VSTM2L: variants seen among roughly 807,000 people sequenced by gnomAD.
VSTM2L encodes V-set and transmembrane domain-containing protein 2-like protein.
VSTM2L carries 9 observed loss-of-function variants against 19.9 expected under a neutral mutation model. The ratio of observed to expected loss-of-function variants is 0.45; its 90% CI spans 0.27 to 0.79. VSTM2L has a LOEUF of 0.79. Among genes scored for constraint, VSTM2L ranks in the 30% least tolerant of loss-of-function variants. The pLI, the probability that VSTM2L is intolerant of heterozygous loss-of-function variation, is 0.15. For missense variants in VSTM2L, 286 were observed against 295.5 expected (o/e 0.97, Z 0.24); for synonymous variants, 127 against 133.8 (o/e 0.95, Z 0.35).
chr20:37,912,351 G>T (rs976158847), intron 1 of VSTM2L, among the ~76,000 whole-genome samples: 1 of 152,226 alleles, frequency 6.6e-6, no homozygotes, highest in Non-Finnish European at 1.5e-5. Context: ...CCCTGTTCTG[G>T]CTACAAGCAC....
At chr20:37,921,882 A>G (rs183310742) in intron 1 of VSTM2L, among the ~76,000 whole-genome samples, 1,295 of 117,348 alleles carry the variant, frequency 0.011, 16 homozygotes, top group African/African-American at 0.04. Flanking sequence ...TTGCTCTGTC[A>G]CCCAGGCTGG....
chr20:37,906,076 G>C (rs1196682638), intron 1 of VSTM2L, among the ~76,000 whole-genome samples: 1 of 151,344 alleles, frequency 6.6e-6, no homozygotes. Context: ...TGGAAGCAGG[G>C]GCTCCTGGGG....
intron 3 of VSTM2L, among the ~76,000 whole-genome samples, chr20:37,933,943 A>G (rs996843121): frequency 2.6e-5 from 4 of 151,878 alleles, no homozygotes; most frequent in Non-Finnish European, 4.4e-5. Context: ...TGACTGACTG[A>G]GTGTTACGCC....
chr20:37,917,680 C>G (rs2072827330), intron 1 of VSTM2L, among the ~76,000 whole-genome samples: 1 of 152,236 alleles, frequency 6.6e-6, no homozygotes, highest in Admixed American at 6.5e-5. Context: ...CCCCCTCGCC[C>G]TAGTGCCCGA....
chr20:37,935,122 G>A (rs902619607), intron 3 of VSTM2L, among the ~76,000 whole-genome samples: 2 of 152,176 alleles, frequency 1.3e-5, no homozygotes, highest in African/African-American at 4.8e-5. Context: ...TTGATTTAGA[G>A]GATTAGAATT....
intron 1 of VSTM2L, among the ~76,000 whole-genome samples, chr20:37,907,516 G>A (rs538052008): frequency 1.3e-5 from 2 of 152,284 alleles, no homozygotes; most frequent in African/African-American, 4.8e-5. Flanking sequence ...GACAGGAAAT[G>A]TCTGACGCTA....
chr20:37,920,969 C>T (rs1363253130), intron 1 of VSTM2L, among the ~76,000 whole-genome samples: 4 of 152,188 alleles, frequency 2.6e-5, no homozygotes, highest in Non-Finnish European at 5.9e-5. Context: ...CTAGCCACCT[C>T]CTGTGTGCCT....
At position 37,943,982 on chromosome 20, in the gene VSTM2L, T is replaced by G; in HGVS notation, c.344T>G (p.Val115Gly). 7.7e-7 allele frequency: 1 copy of G among 1,293,600 alleles called. No individual in the cohort carries two copies. Among genetic ancestry groups the G allele is most frequent in the Non-Finnish European group, 1.0e-6 (1 of 981,142 alleles). 80.1% of individuals were successfully genotyped at this position (1,293,600 alleles called of 1,614,324 possible). A position where few individuals can be genotyped will look rare whatever the true frequency, so the allele number is the denominator to read the frequency against. Residue 115 changes from valine (V) to glycine (G), a missense_variant and splice_region_variant, in exon 4 of 4, where the codon GTG becomes GGG. Physicochemically the swap from Val to Gly is moderately radical, Grantham distance 109 (BLOSUM62 -3). Transcript: ENST00000373461. ...DAGKEATKIS[V>G]VKVVGSNISH... ...TCACGGTCTCTCTGTCACCCCCAGG[T>G]GGTCAAGGTGGTGGGCAGCAACATC...
chr20:37,916,314 T>G (rs1178019660), intron 1 of VSTM2L, among the ~76,000 whole-genome samples: 2 of 151,992 alleles, frequency 1.3e-5, no homozygotes, highest in Admixed American at 6.5e-5. Flanking sequence ...CCCCCGCCCC[T>G]GCCCTATCTC....
At chr20:37,940,608 A>G (rs1264221280) in intron 3 of VSTM2L, among the ~76,000 whole-genome samples, 1 of 152,220 alleles carries the variant, frequency 6.6e-6, no homozygotes, top group Admixed American at 6.5e-5. Flanking sequence ...CCTCTGGGCA[A>G]GTCACTTCTT....
At chr20:37,904,622 G>C (rs1315109932) in intron 1 of VSTM2L, among the ~76,000 whole-genome samples, 1 of 152,258 alleles carries the variant, frequency 6.6e-6, no homozygotes, top group Non-Finnish European at 1.5e-5. Context: ...TGACAGCCTT[G>C]TTGGGGAGGC....
At chr20:37,924,956 C>T (rs569406010) in intron 1 of VSTM2L, among the ~76,000 whole-genome samples, 71 of 152,254 alleles carry the variant, frequency 4.7e-4, no homozygotes, top group African/African-American at 1.6e-3. Context: ...GTCACAACTG[C>T]CAGTCAGACC....
chr20:37,903,329 G>GC lies in VSTM2L; in HGVS notation c.-17dup. ...CGGGGCCCAGATGTGAGGCGGCGGC[G>GC]CCCCCGGCCCGAGAGCGCACGATGG... On this transcript the variant is annotated 5_prime_UTR_variant, in exon 1 of 4. Transcript: ENST00000373461. The GC allele has an allele frequency of 7.0e-7, 1 of 1,422,104 alleles. No individual in the cohort carries two copies. The highest frequency in any genetic ancestry group is 9.1e-7 in the Non-Finnish European group (1 of 1,095,948). 88.1% of individuals were successfully genotyped at this position (1,422,104 alleles called of 1,614,324 possible).
At chr20:37,909,481 C>T (rs1047182712) in intron 1 of VSTM2L, among the ~76,000 whole-genome samples, 3 of 152,092 alleles carry the variant, frequency 2.0e-5, no homozygotes, top group African/African-American at 4.8e-5. Flanking sequence ...GAATGGATGA[C>T]GAGGAGGACG....
chr20:37,925,188 A>G (rs895525311), intron 1 of VSTM2L, among the ~76,000 whole-genome samples: 4 of 151,768 alleles, frequency 2.6e-5, no homozygotes, highest in African/African-American at 9.7e-5. Flanking sequence ...CTGCTTCCTG[A>G]CATTTTCAGG....
At position 37,944,326 on chromosome 20, in the gene VSTM2L, G is replaced by A; in HGVS notation, c.*73G>A. 6 of 1,348,186 alleles carry A rather than the reference G, an allele frequency of 4.5e-6. No homozygotes were observed. The highest frequency in any genetic ancestry group is 5.8e-6 in the Non-Finnish European group (6 of 1,035,886). 83.5% of individuals were successfully genotyped at this position (1,348,186 alleles called of 1,614,324 possible). ...CATGAGGAGCCGCCGGACCACCGGG[G>A]ACCGACTGCCTGCGTCCAGCCGCGC... On this transcript the variant is annotated 3_prime_UTR_variant, in exon 4 of 4. Transcript: ENST00000373461.
intron 3 of VSTM2L, 129 bp from the exon 4 acceptor site, chr20:37,943,852 C>T (rs899147179): frequency 2.0e-5 from 20 of 990,626 alleles, no homozygotes; most frequent in African/African-American, 1.3e-4. Flanking sequence ...GTGCAAACCT[C>T]GGTGGGCCCT....
At position 37,917,625 on chromosome 20, in the gene VSTM2L, G is replaced by A. The variant is rs78785453; in HGVS notation, c.122-14010G>A. On this transcript the variant is annotated intron_variant, in intron 1 of 3. Transcript: ENST00000373461. The stretch of plus-strand genomic sequence containing the variant: ...CAGCTTGCACAATGCCACCCAGCAC[G>A]CCAGGGAGAGCTGTGGCTTGCATCC... 8.2e-3 allele frequency among the ~76,000 whole-genome samples: 1,256 copies of A among 152,362 alleles called. 14 individuals are homozygous for A. Among genetic ancestry groups the A allele is most frequent in the African/African-American group, 0.026 (1,067 of 41,590 alleles).
At chr20:37,933,693 T>A in intron 3 of VSTM2L, 104 bp downstream of exon 3, 1 of 1,123,788 alleles carries the variant, frequency 8.9e-7, no homozygotes, top group Non-Finnish European at 1.3e-6. Context: ...GGCAAGAAGA[T>A]GGAAGAGAAG....
Sources: gnomAD v4.1 joint callset for allele counts (sites outside exome capture counted in the v4.1 genomes callset) on GRCh38, gnomAD v4.1.1 for gene constraint, MANE v1.5 for transcripts, NCBI Gene and HGNC (gene_info 2026-07-23, HGNC 2026-07-21) for gene names.